The following ADSL variants were observed in gnomAD, a reference collection of about 807,000 sequenced individuals.
The protein encoded by ADSL is adenylosuccinase.
In ADSL, 44 loss-of-function variants were observed where a neutral mutation model predicts 62.1. The observed-to-expected ratio is 0.71, with a 90% CI of 0.56 to 0.91. ADSL has a LOEUF of 0.91. Ranked by LOEUF, ADSL falls within the 40% of genes least tolerant of loss-of-function variation. ADSL has a pLI of 0.00. For synonymous variants in ADSL, 198 were observed against 220.5 expected (o/e 0.90, Z 0.90); for missense variants, 531 against 627.4 (o/e 0.85, Z 1.64).
intron 4 of ADSL, among the ~76,000 whole-genome samples, chr22:40,358,147 CT>C (rs1280590449): frequency 3.3e-5 from 5 of 152,170 alleles, no homozygotes; most frequent in Non-Finnish European, 7.3e-5. Context: ...AGGACCCTGT[CT>C]GTGTTATTCC....
chr22:40,348,488 G>A (rs780435046), intron 1 of ADSL: 2 of 398,490 alleles, frequency 5.0e-6, no homozygotes, highest in East Asian at 7.1e-5. Flanking sequence ...GGCTCAAGCT[G>A]TCCTCTCACC....
At chr22:40,346,983 A>C (rs2044168086) in intron 1 of ADSL, among the ~76,000 whole-genome samples, 1 of 152,196 alleles carries the variant, frequency 6.6e-6, no homozygotes, top group Admixed American at 6.5e-5. Context: ...CAGGGAATTC[A>C]TTTTGGCCAT....
intron 12 of ADSL, 151 bp downstream of exon 12, chr22:40,365,207 G>A: frequency 1.1e-6 from 1 of 896,296 alleles, no homozygotes; most frequent in Non-Finnish European, 1.7e-6. Context: ...TTTCGGTTTT[G>A]TTTCTGTTTT....
At chr22:40,348,955 C>T (rs181352225) in intron 1 of ADSL, 5 of 194,600 alleles carry the variant, frequency 2.6e-5, no homozygotes, top group African/African-American at 1.2e-4. Context: ...TTTATTTTCT[C>T]ATCAATATCT....
At chr22:40,372,079 T>C (rs1187893078), downstream of ADSL, among the ~76,000 whole-genome samples, 1 of 150,292 alleles carries the variant, frequency 6.7e-6, no homozygotes, top group Non-Finnish European at 1.5e-5. Flanking sequence ...TCCCTAATTA[T>C]CATAGTAGCC....
intron 1 of ADSL, among the ~76,000 whole-genome samples, chr22:40,347,837 A>G (rs900531111): frequency 6.6e-6 from 1 of 152,190 alleles, no homozygotes; most frequent in African/African-American, 2.4e-5. Flanking sequence ...CAACTTAATA[A>G]ACTCTTGGCG....
intron 4 of ADSL, among the ~76,000 whole-genome samples, chr22:40,357,775 CT>C (rs879780431): frequency 2.6e-5 from 4 of 151,966 alleles, no homozygotes; most frequent in South Asian, 2.1e-4. Context: ...AATCTTGTTT[CT>C]TTTTTTTCAT....
rs1416181188 is a variant in ADSL at position 40,350,016 on chromosome 22, G to C, written c.338G>C (p.Cys113Ser). 1.2e-6 allele frequency: 2 copies of C among 1,613,936 alleles called. No individual in the cohort carries two copies. The highest frequency in any genetic ancestry group is 1.7e-6 in the Non-Finnish European group (2 of 1,179,878). Residue 113 changes from cysteine to serine, a missense_variant, in exon 2 of 13, where the codon TGC (cysteine) becomes TCC (serine). Transcript: ENST00000623063. ...AGIIHLGATS[C>S]YVGDNTDLII... is the part of the protein sequence containing the mutation. ...ATTATTCACCTTGGTGCTACTTCTT[G>C]CTATGTTGGAGACAATACTGTAGGC...
intron 2 of ADSL, chr22:40,352,009 T>C (rs912733060): frequency 6.6e-6 from 1 of 152,176 alleles, no homozygotes; most frequent in Admixed American, 6.5e-5. Flanking sequence ...TTTGTGTAAC[T>C]GGCGAGTCAG....
intron 6 of ADSL, among the ~76,000 whole-genome samples, 170 bp downstream of exon 6, chr22:40,359,476 CTTTTTTTTTTTTT>C (rs56719087): frequency 2.3e-5 from 1 of 43,870 alleles, no homozygotes; most frequent in East Asian, 5.3e-4. Context: ...TATCTGGATT[CTTTTTTTTTTTTT>C]TTTTTTTTCG....
intron 2 of ADSL, chr22:40,350,418 G>A (rs1782702935): frequency 1.0e-5 from 2 of 198,864 alleles, no homozygotes; most frequent in Admixed American, 5.4e-5. Context: ...GAGCCACCAC[G>A]CCCAGCCAGA....
intron 2 of ADSL, chr22:40,387,226 T>C: frequency 2.5e-6 from 1 of 398,622 alleles, no homozygotes; most frequent in East Asian, 3.6e-5. Flanking sequence ...TAGGTTTCCT[T>C]CTGATACCTC....
At chr22:40,350,685 C>T (rs561253987) in intron 2 of ADSL, among the ~76,000 whole-genome samples, 1 of 151,864 alleles carries the variant, frequency 6.6e-6, no homozygotes, top group East Asian at 1.9e-4. Context: ...GTGGCATGAT[C>T]TTGGCTCACT....
intron 2 of ADSL, among the ~76,000 whole-genome samples, chr22:40,380,231 G>A (rs940041351): frequency 1.1e-4 from 17 of 152,178 alleles, no homozygotes; most frequent in African/African-American, 4.1e-4. Flanking sequence ...GTGTGTATTT[G>A]TATGTGTGTG....
chr22:40,376,896 C>T (rs970417078), intron 2 of ADSL, among the ~76,000 whole-genome samples: 8 of 152,106 alleles, frequency 5.3e-5, no homozygotes, highest in Admixed American at 3.9e-4. Context: ...CAGTTAGCTT[C>T]GAGTTTACAA....
At chr22:40,351,519 A>G (rs1242575034) in intron 2 of ADSL, among the ~76,000 whole-genome samples, 2 of 151,836 alleles carry the variant, frequency 1.3e-5, no homozygotes, top group Admixed American at 6.6e-5. Context: ...GCTGCCCAGA[A>G]TGGCCTTGAA....
intron 12 of ADSL, among the ~76,000 whole-genome samples, chr22:40,366,110 A>C (rs957585037): frequency 2.6e-5 from 4 of 152,016 alleles, no homozygotes; most frequent in African/African-American, 9.7e-5. Context: ...GAGGAGGTTA[A>C]GCTCTTGGTG....
rs1214644529 is a variant in ADSL, at chr22:40,358,990, C to T, written c.609C>T (p.Gly203=). The T allele has an allele frequency of 1.9e-6, 3 of 1,614,206 alleles. No homozygotes were observed. Among genetic ancestry groups the T allele is most frequent in the East Asian group, 2.2e-5 (1 of 44,884 alleles). ...LRFRGVKGTT[G]TQASFLQLFE... ...TCCGGGGAGTAAAGGGTACCACTGG[C>T]ACTCAGGCCAGTTTCCTGCAGCTCT... Residue 203 remains glycine (G), a synonymous_variant, in exon 5 of 13, where the codon GGC becomes GGT. Transcript: ENST00000623063.
At position 40,367,978 on chromosome 22, in the gene ADSL, TG is replaced by T. The variant is rs1363697036; in HGVS notation, c.*1457del. On this transcript the variant is annotated 3_prime_UTR_variant, in exon 13 of 13. Coordinates refer to ENST00000623063, the MANE Select transcript of ADSL (RefSeq NM_000026.4). The stretch of plus-strand genomic sequence containing the variant: ...GCCCAAAAAGCCACCAGAGGCTTAC[TG>T]CTCCGCACTCTTGGCATTACATTCA... 2.0e-5 allele frequency: 3 copies of T among 152,250 alleles called. No homozygotes were observed. The highest frequency in any genetic ancestry group is 7.2e-5 in the African/African-American group (3 of 41,466). 9.4% of individuals were successfully genotyped at this position (152,250 alleles called of 1,614,324 possible). A position where few individuals can be genotyped will look rare whatever the true frequency, so the allele number is the denominator to read the frequency against.
Sources: gnomAD v4.1 joint callset for allele counts (sites outside exome capture counted in the v4.1 genomes callset) on GRCh38, gnomAD v4.1.1 for gene constraint, MANE v1.5 for transcripts, NCBI Gene and HGNC (gene_info 2026-07-23, HGNC 2026-07-21) for gene names.